The following LINGO2 variants were observed in gnomAD, a reference collection of about 807,000 sequenced individuals.
LINGO2 encodes leucine rich repeat and Ig domain containing 2, also known as leucine-rich repeat and immunoglobulin-like domain-containing nogo receptor-interacting protein 2.
In LINGO2, 14 loss-of-function variants were observed where a neutral mutation model predicts 30.6. That is an observed-to-expected ratio of 0.46 (90% CI 0.30 to 0.72). The LOEUF (loss-of-function observed/expected upper bound fraction) is 0.72. Among genes scored for constraint, LINGO2 ranks in the 30% least tolerant of loss-of-function variants. The probability of loss-of-function intolerance (pLI) is 0.07; values close to 1 mark genes in which losing one functional copy is unlikely to be tolerated. For synonymous variants in LINGO2, 317 were observed against 288.5 expected, an observed-to-expected ratio of 1.10 and a Z score of -1.00; for missense variants, 729 against 751.7, an observed-to-expected ratio of 0.97 and a Z score of 0.35.
chr9:28,945,949 A>C, the LINGO2 span, among the ~76,000 whole-genome samples: 25 of 152,272 alleles, frequency 1.6e-4, no homozygotes, highest in Middle Eastern at 3.4e-3. Flanking sequence ...CACCAACCTC[A>C]TGAGTCACAC....
At chr9:28,680,118 C>A in the LINGO2 span, among the ~76,000 whole-genome samples, 17 of 151,964 alleles carry the variant, frequency 1.1e-4, no homozygotes, top group African/African-American at 9.7e-5. Context: ...TGTACCTTGA[C>A]CAATATCTCC....
At chr9:28,077,752 G>T (rs1825667651) in intron 4 of LINGO2, among the ~76,000 whole-genome samples, 1 of 148,022 alleles carries the variant, frequency 6.8e-6, no homozygotes, top group Non-Finnish European at 1.5e-5. Flanking sequence ...TTTTTCAATG[G>T]TTTTACTTTA....
chr9:27,956,043 G>A (rs916262132), intron 5 of LINGO2, among the ~76,000 whole-genome samples: 5 of 149,502 alleles, frequency 3.3e-5, no homozygotes, highest in African/African-American at 9.8e-5. Flanking sequence ...GCGTTCAAGC[G>A]ATTCTCCTGC....
the LINGO2 span, among the ~76,000 whole-genome samples, chr9:29,072,630 T>C: frequency 8.0e-5 from 12 of 149,540 alleles, 2 homozygotes; most frequent in South Asian, 2.3e-3. Flanking sequence ...TATATATATA[T>C]CAAGAGTCCT....
At chr9:27,946,442 A>G (rs1342559702), downstream of LINGO2, among the ~76,000 whole-genome samples, 1 of 152,144 alleles carries the variant, frequency 6.6e-6, no homozygotes, top group Non-Finnish European at 1.5e-5. Context: ...GGATGGGTAC[A>G]TTTTAATCCA....
chr9:29,150,368 T>C, the LINGO2 span, among the ~76,000 whole-genome samples: 1 of 152,172 alleles, frequency 6.6e-6, no homozygotes, highest in African/African-American at 2.4e-5. Flanking sequence ...AAAGTCAGAG[T>C]GTCTCCTTAC....
the LINGO2 span, among the ~76,000 whole-genome samples, chr9:28,878,878 T>C: frequency 1.3e-5 from 2 of 152,248 alleles, no homozygotes; most frequent in Admixed American, 1.3e-4. Flanking sequence ...CCACAGCCAA[T>C]ATCATACTGA....
chr9:28,607,370 G>A (rs1825737466), intron 1 of LINGO2, among the ~76,000 whole-genome samples: 1 of 151,942 alleles, frequency 6.6e-6, no homozygotes, highest in Non-Finnish European at 1.5e-5. Flanking sequence ...GGAATATACA[G>A]GAGTTTATAT....
intron 2 of LINGO2, among the ~76,000 whole-genome samples, chr9:28,373,772 C>A (rs1339345043): frequency 6.6e-6 from 1 of 151,684 alleles, no homozygotes; most frequent in South Asian, 2.1e-4. Flanking sequence ...TGGTGGCGTG[C>A]GCCTGTAGTC....
At chr9:28,113,427 G>GT (rs1171569693) in intron 4 of LINGO2, among the ~76,000 whole-genome samples, 1 of 41,918 alleles carries the variant, frequency 2.4e-5, no homozygotes, top group East Asian at 8.6e-4. Context: ...CTTTAAAGTA[G>GT]TTTTTTCCAA....
chr9:27,995,426 C>A (rs1179675332), intron 5 of LINGO2, among the ~76,000 whole-genome samples: 1 of 152,056 alleles, frequency 6.6e-6, no homozygotes, highest in Non-Finnish European at 1.5e-5. Context: ...CAAAGACGAA[C>A]AATAAAAAAC....
chr9:28,790,635 A>G, the LINGO2 span, among the ~76,000 whole-genome samples: 1 of 151,834 alleles, frequency 6.6e-6, no homozygotes, highest in African/African-American at 2.4e-5. Flanking sequence ...CGCCTGGCCT[A>G]CTTTACGCAT....
chr9:28,868,987 C>T, the LINGO2 span, among the ~76,000 whole-genome samples: 6 of 152,070 alleles, frequency 3.9e-5, no homozygotes, highest in East Asian at 1.2e-3. Context: ...TAACAAATTT[C>T]CAGGCCTGCT....
chr9:28,067,772 T>A (rs1395683363), intron 4 of LINGO2, among the ~76,000 whole-genome samples: 1 of 152,154 alleles, frequency 6.6e-6, no homozygotes, highest in Non-Finnish European at 1.5e-5. Flanking sequence ...TTTATCAACA[T>A]TTAATAATTT....
chr9:29,158,976 C>T, the LINGO2 span, among the ~76,000 whole-genome samples: 3 of 152,132 alleles, frequency 2.0e-5, no homozygotes, highest in Non-Finnish European at 4.4e-5. Flanking sequence ...TTTATCCAGC[C>T]TCAGTGCCTA....
At chr9:28,270,196 G>A (rs1822891487) in intron 4 of LINGO2, among the ~76,000 whole-genome samples, 1 of 152,000 alleles carries the variant, frequency 6.6e-6, no homozygotes, top group African/African-American at 2.4e-5. Context: ...AATTATTGTC[G>A]GGAAGCATTT....
chr9:28,916,936 C>T, the LINGO2 span, among the ~76,000 whole-genome samples: 3 of 152,168 alleles, frequency 2.0e-5, no homozygotes, highest in Non-Finnish European at 4.4e-5. Context: ...TCCACCAATA[C>T]TGGGGAAAGT....
chr9:28,565,894 G>A (rs1262699041), intron 1 of LINGO2, among the ~76,000 whole-genome samples: 1 of 152,062 alleles, frequency 6.6e-6, no homozygotes, highest in Non-Finnish European at 1.5e-5. Context: ...AAAGGTGAAA[G>A]GCTATATAGC....
At chr9:28,692,838 T>C in the LINGO2 span, among the ~76,000 whole-genome samples, 1 of 152,174 alleles carries the variant, frequency 6.6e-6, no homozygotes, top group Non-Finnish European at 1.5e-5. Flanking sequence ...TGGGTGTCAA[T>C]ATCACATATT....
Sources: allele counts gnomAD v4.1 joint callset (sites outside exome capture counted in the v4.1 genomes callset), GRCh38; gene constraint gnomAD v4.1.1; transcripts MANE v1.5; gene names NCBI Gene and HGNC (gene_info 2026-07-23, HGNC 2026-07-21).